Variants in LIPC observed in about 807,000 individuals in gnomAD.
The protein encoded by LIPC is hepatic triacylglycerol lipase.
LIPC carries 44 observed loss-of-function variants against 50.7 expected under a neutral mutation model. That is an observed-to-expected ratio of 0.87 (90% CI 0.68 to 1.11). LIPC has a LOEUF of 1.11. LIPC is among the 50% of genes most tolerant of loss of function. The pLI, the probability that LIPC is intolerant of heterozygous loss-of-function variation, is 0.00. For synonymous variants in LIPC, 271 were observed against 256.4 expected, an observed-to-expected ratio of 1.06 and a Z score of -0.54; for missense variants, 697 against 648.2, an observed-to-expected ratio of 1.08 and a Z score of -0.82.
At chr15:58,563,903 G>A in intron 8 of LIPC, 180 bp downstream of exon 8, 2 of 661,180 alleles carry the variant, frequency 3.0e-6, no homozygotes, top group Non-Finnish European at 5.5e-6. Context: ...CAGGTGCCAG[G>A]ACAAGGATTC....
chr15:58,438,641 C>T (rs561528565), intron 1 of LIPC, among the ~76,000 whole-genome samples: 19 of 152,280 alleles, frequency 1.2e-4, no homozygotes, highest in African/African-American at 4.1e-4. Flanking sequence ...CTACTTGGGG[C>T]GAGAAGACCA....
intron 1 of LIPC, among the ~76,000 whole-genome samples, chr15:58,496,564 A>G (rs1239125757): frequency 1.3e-5 from 2 of 152,174 alleles, no homozygotes; most frequent in African/African-American, 2.4e-5. Context: ...GTCCAACACT[A>G]TAAATCAAGA....
At chr15:58,500,152 G>A (rs1036667517) in intron 1 of LIPC, among the ~76,000 whole-genome samples, 7 of 152,144 alleles carry the variant, frequency 4.6e-5, no homozygotes, top group Non-Finnish European at 1.0e-4. Context: ...ACACAGTAAG[G>A]AGGGGTGGAA....
chr15:58,513,204 T>C (rs1371248072), intron 1 of LIPC, among the ~76,000 whole-genome samples: 3 of 152,150 alleles, frequency 2.0e-5, no homozygotes, highest in Admixed American at 2.0e-4. Flanking sequence ...ATATTCCACA[T>C]CCCCTTCTGC....
At chr15:58,499,693 C>T (rs1480593342) in intron 1 of LIPC, among the ~76,000 whole-genome samples, 6 of 152,108 alleles carry the variant, frequency 3.9e-5, no homozygotes, top group Non-Finnish European at 8.8e-5. Context: ...TTATCCAGGC[C>T]CCAGCTCTGC....
intron 1 of LIPC, among the ~76,000 whole-genome samples, chr15:58,503,414 A>G (rs1380070176): frequency 6.6e-6 from 1 of 152,164 alleles, no homozygotes; most frequent in African/African-American, 2.4e-5. Context: ...GAAAGGCTTT[A>G]GGGGCAGCGC....
chr15:58,493,778 TAA>T (rs1891672662), intron 1 of LIPC, among the ~76,000 whole-genome samples: 1 of 149,502 alleles, frequency 6.7e-6, no homozygotes, highest in Admixed American at 6.7e-5. Flanking sequence ...TTTGAATATA[TAA>T]GTTTATATAT....
chr15:58,447,413 A>C (rs946218860), intron 1 of LIPC, among the ~76,000 whole-genome samples: 12 of 152,280 alleles, frequency 7.9e-5, no homozygotes, highest in African/African-American at 2.4e-4. Context: ...TGGAAAACAC[A>C]CACGTATATG....
At chr15:58,504,424 A>C (rs1334955243) in intron 1 of LIPC, among the ~76,000 whole-genome samples, 2 of 152,174 alleles carry the variant, frequency 1.3e-5, no homozygotes, top group East Asian at 3.9e-4. Context: ...ATCACAAAGA[A>C]ATTCCCATTT....
Position 58,452,222 on chromosome 15 carries a change from C to T in LIPC, c.88+20102C>T, listed in dbSNP as rs1055666220. Among the ~76,000 whole-genome samples, 66 of 152,164 alleles carry T rather than the reference C, an allele frequency of 4.3e-4. 1 individual carries two copies. The highest frequency in any genetic ancestry group is 1.5e-4 in the Non-Finnish European group (10 of 68,022). On this transcript the variant is annotated intron_variant, in intron 1 of 8. Coordinates refer to ENST00000299022, the MANE Select transcript of LIPC (RefSeq NM_000236.3). ...TTGTTTGAAAGACAAATTCTCCATC[C>T]CACTCAAGACCTCCTGAATCAGAAA...
intron 1 of LIPC, among the ~76,000 whole-genome samples, chr15:58,517,105 A>T (rs1176084061): frequency 6.6e-6 from 1 of 152,254 alleles, no homozygotes; most frequent in African/African-American, 2.4e-5. Flanking sequence ...GTTGTTAATG[A>T]TGACAAAATA....
At chr15:58,545,055 G>T (rs537799637) in intron 4 of LIPC, among the ~76,000 whole-genome samples, 3 of 152,222 alleles carry the variant, frequency 2.0e-5, no homozygotes, top group Non-Finnish European at 4.4e-5. Context: ...AAATCAGCTT[G>T]TTTAGGGAAA....
intron 1 of LIPC, among the ~76,000 whole-genome samples, chr15:58,477,643 C>T (rs1335225969): frequency 6.6e-6 from 1 of 152,176 alleles, no homozygotes; most frequent in African/African-American, 2.4e-5. Flanking sequence ...CAGCTCCACT[C>T]ATTCTGTCCT....
intron 4 of LIPC, among the ~76,000 whole-genome samples, chr15:58,545,458 C>T (rs1188283159): frequency 1.3e-5 from 2 of 152,156 alleles, no homozygotes; most frequent in African/African-American, 2.4e-5. Flanking sequence ...CTGCCCAGGC[C>T]TCCTGGCCTC....
At chr15:58,535,587 T>G (rs146147369) in intron 1 of LIPC, among the ~76,000 whole-genome samples, 9 of 152,300 alleles carry the variant, frequency 5.9e-5, no homozygotes, top group African/African-American at 2.2e-4. Context: ...CAAGACAGAA[T>G]TGGTCCTATG....
At chr15:58,486,040 G>C (rs985095490) in intron 1 of LIPC, among the ~76,000 whole-genome samples, 36 of 152,186 alleles carry the variant, frequency 2.4e-4, no homozygotes, top group African/African-American at 8.2e-4. Flanking sequence ...AGGTTCCAGT[G>C]AACAGAAAGC....
chr15:58,511,516 C>A (rs1835367984), intron 1 of LIPC, among the ~76,000 whole-genome samples: 2 of 152,126 alleles, frequency 1.3e-5, no homozygotes, highest in South Asian at 4.1e-4. Context: ...GGGTTAGGGC[C>A]CAGGCAAGTT....
chr15:58,492,887 G>A (rs1179608735), intron 1 of LIPC, among the ~76,000 whole-genome samples: 1 of 152,068 alleles, frequency 6.6e-6, no homozygotes, highest in Non-Finnish European at 1.5e-5. Flanking sequence ...CAGGAGAGGG[G>A]GCCCTGGGCA....
intron 1 of LIPC, chr15:58,533,178 G>A: frequency 7.1e-6 from 7 of 985,156 alleles, no homozygotes; most frequent in Non-Finnish European, 8.4e-6. Context: ...AAAAGCTCCA[G>A]TTTCAGAAGG....
Sources: gnomAD v4.1 joint callset for allele counts (sites outside exome capture counted in the v4.1 genomes callset) on GRCh38, gnomAD v4.1.1 for gene constraint, MANE v1.5 for transcripts, NCBI Gene and HGNC (gene_info 2026-07-23, HGNC 2026-07-21) for gene names.